CAMK1D: variants seen among roughly 807,000 people sequenced by gnomAD.
The protein encoded by CAMK1D is calcium/calmodulin dependent protein kinase ID, also known as calcium/calmodulin-dependent protein kinase type 1D.
A neutral mutation model predicts 47.7 loss-of-function variants in CAMK1D; 9 were observed. The ratio of observed to expected loss-of-function variants is 0.19; its 90% CI spans 0.11 to 0.33. CAMK1D has a LOEUF of 0.33. Among genes scored for constraint, CAMK1D ranks in the 10% least tolerant of loss-of-function variants. The pLI is 1.00. For synonymous variants in CAMK1D, 184 were observed against 184.9 expected (o/e 0.99, Z 0.04); for missense variants, 291 against 488.7 (o/e 0.60, Z 3.81).
intron 1 of CAMK1D, among the ~76,000 whole-genome samples, chr10:12,450,254 T>C (rs1397446003): frequency 6.6e-6 from 1 of 152,218 alleles, no homozygotes; most frequent in Non-Finnish European, 1.5e-5. Flanking sequence ...TTTCTTAATA[T>C]CCAGTTTGTA....
At chr10:12,371,809 T>C (rs1838014875) in intron 1 of CAMK1D, among the ~76,000 whole-genome samples, 1 of 151,966 alleles carries the variant, frequency 6.6e-6, no homozygotes, top group South Asian at 2.1e-4. Context: ...TGGGATTACA[T>C]GCATGCACCA....
intron 1 of CAMK1D, among the ~76,000 whole-genome samples, chr10:12,352,065 C>T (rs1010432103): frequency 6.6e-6 from 1 of 152,132 alleles, no homozygotes; most frequent in Non-Finnish European, 1.5e-5. Context: ...TCAGAGTAAC[C>T]TTATGAGGTA....
chr10:12,616,047 A>G (rs1209946578), intron 2 of CAMK1D, among the ~76,000 whole-genome samples: 1 of 150,114 alleles, frequency 6.7e-6, no homozygotes, highest in Non-Finnish European at 1.5e-5. Context: ...GTGTGAGTGC[A>G]CGTGTTGGTT....
intron 1 of CAMK1D, among the ~76,000 whole-genome samples, chr10:12,386,720 C>T (rs1838507218): frequency 6.6e-6 from 1 of 152,134 alleles, no homozygotes; most frequent in South Asian, 2.1e-4. Flanking sequence ...ACGATATTAA[C>T]AGCAGTCATC....
chr10:12,351,669 A>G (rs566475675), intron 1 of CAMK1D, among the ~76,000 whole-genome samples: 4 of 152,280 alleles, frequency 2.6e-5, no homozygotes, highest in East Asian at 1.9e-4. Context: ...TGAGGCTCCA[A>G]GCTGTGGCTC....
intron 2 of CAMK1D, among the ~76,000 whole-genome samples, chr10:12,661,236 G>A (rs1266900338): frequency 6.6e-6 from 1 of 152,106 alleles, no homozygotes; most frequent in Non-Finnish European, 1.5e-5. Context: ...GTTAATGATG[G>A]CATTAATACT....
intron 3 of CAMK1D, among the ~76,000 whole-genome samples, chr10:12,715,217 G>T (rs1834083231): frequency 1.3e-5 from 2 of 152,068 alleles, no homozygotes; most frequent in Non-Finnish European, 2.9e-5. Flanking sequence ...ATTTCCCCAT[G>T]CCTATAGCTT....
chr10:12,616,029 G>T (rs1039753275), intron 2 of CAMK1D, among the ~76,000 whole-genome samples: 1 of 151,258 alleles, frequency 6.6e-6, no homozygotes, highest in African/African-American at 2.4e-5. Context: ...GTTGCTGTGT[G>T]TGTGGGTGTG....
At chr10:12,621,065 A>G (rs1330999420) in intron 2 of CAMK1D, among the ~76,000 whole-genome samples, 1 of 152,176 alleles carries the variant, frequency 6.6e-6, no homozygotes, top group Non-Finnish European at 1.5e-5. Flanking sequence ...TCTCCACTGA[A>G]TTGCTTTTGC....
At position 12,447,172 on chromosome 10, in the gene CAMK1D, C is replaced by T. The variant is rs185512778; in HGVS notation, c.92+97262C>T. On this transcript the variant is annotated intron_variant, in intron 1 of 10. Transcript: ENST00000619168. ...TATCTCGTGTTAGCTTCAGAAGGCA[C>T]CACTTTCAAGAGGTAATTAAATTAT... Among the ~76,000 whole-genome samples the T allele has an allele frequency of 3.3e-5, 5 of 152,138 alleles. No homozygotes were observed. The East Asian group carries it at 9.7e-4, about 29-fold the overall frequency.
intron 1 of CAMK1D, among the ~76,000 whole-genome samples, chr10:12,427,719 T>TTTTG (rs1840297209): frequency 7.9e-6 from 1 of 126,414 alleles, no homozygotes; most frequent in African/African-American, 3.0e-5. Context: ...TTTTTTTTTT[T>TTTTG]TTTTTTGAGA....
chr10:12,619,522 A>G (rs1838925479), intron 2 of CAMK1D, among the ~76,000 whole-genome samples: 1 of 152,134 alleles, frequency 6.6e-6, no homozygotes, highest in African/African-American at 2.4e-5. Context: ...TGCTGGCCTC[A>G]AGTGATCCTC....
At chr10:12,675,430 C>T (rs1227021735) in intron 3 of CAMK1D, among the ~76,000 whole-genome samples, 1 of 152,192 alleles carries the variant, frequency 6.6e-6, no homozygotes, top group East Asian at 1.9e-4. Context: ...TCTATCTCAT[C>T]TTAGCAAATG....
At chr10:12,577,797 AG>A (rs1427470279) in intron 2 of CAMK1D, among the ~76,000 whole-genome samples, 2 of 152,150 alleles carry the variant, frequency 1.3e-5, no homozygotes, top group African/African-American at 2.4e-5. Context: ...AGCCCCTCCA[AG>A]ATTATGCCCA....
At chr10:12,695,867 A>G (rs1228433050) in intron 3 of CAMK1D, among the ~76,000 whole-genome samples, 1 of 152,130 alleles carries the variant, frequency 6.6e-6, no homozygotes, top group African/African-American at 2.4e-5. Flanking sequence ...TCATGAGGTC[A>G]GGAGTTTGAC....
chr10:12,491,807 A>C (rs1342583434), intron 1 of CAMK1D, among the ~76,000 whole-genome samples: 1 of 151,984 alleles, frequency 6.6e-6, no homozygotes, highest in Non-Finnish European at 1.5e-5. Context: ...TTTGTTTTTG[A>C]GACAGAGTCT....
intron 2 of CAMK1D, among the ~76,000 whole-genome samples, chr10:12,603,264 C>T (rs1838359062): frequency 6.6e-6 from 1 of 152,100 alleles, no homozygotes; most frequent in African/African-American, 2.4e-5. Flanking sequence ...AGCATGTCCG[C>T]ATTCCGGATT....
At chr10:12,481,768 A>G (rs1834072324) in intron 1 of CAMK1D, among the ~76,000 whole-genome samples, 1 of 152,144 alleles carries the variant, frequency 6.6e-6, no homozygotes, top group Non-Finnish European at 1.5e-5. Context: ...TTGGCCTCCC[A>G]AAGTGCTGGG....
intron 2 of CAMK1D, among the ~76,000 whole-genome samples, chr10:12,618,297 T>C (rs1339030567): frequency 1.3e-5 from 2 of 152,254 alleles, no homozygotes; most frequent in Non-Finnish European, 2.9e-5. Flanking sequence ...TTTGTATTTT[T>C]AATTTACATG....
Sources: gnomAD v4.1 joint callset for allele counts (sites outside exome capture counted in the v4.1 genomes callset) on GRCh38, gnomAD v4.1.1 for gene constraint, MANE v1.5 for transcripts, NCBI Gene and HGNC (gene_info 2026-07-23, HGNC 2026-07-21) for gene names.